Variants in TPGS2 observed in about 807,000 individuals in gnomAD.
TPGS2 encodes the protein tubulin polyglutamylase complex subunit 2.
In TPGS2, 26 loss-of-function variants were observed where a neutral mutation model predicts 31.1. The observed-to-expected ratio is 0.84, with a 90% CI of 0.61 to 1.16. TPGS2 has a LOEUF of 1.16. Among genes scored for constraint, TPGS2 ranks in the 50% most tolerant of loss-of-function variants. The pLI, the probability that TPGS2 is intolerant of heterozygous loss-of-function variation, is 0.00. For missense variants in TPGS2, 351 were observed against 363.8 expected (o/e 0.96, Z 0.29); for synonymous variants, 130 against 136.6 (o/e 0.95, Z 0.34).
At position 36,796,680 on chromosome 18, in the gene TPGS2, C is replaced by T; in HGVS notation, c.*125G>A. 1.4e-6 allele frequency: 2 copies of T among 1,455,136 alleles called. No homozygotes were observed. Among genetic ancestry groups the T allele is most frequent in the Non-Finnish European group, 1.8e-6 (2 of 1,109,622 alleles). The allele number at this position is 1,455,136 out of a possible 1,614,324, so 90.1% of individuals were successfully genotyped here. ...AATGTCGGTGGGACTAAAAGCCTTA[C>T]AATTTTGGTCATTCAACTAGAAAGA... On this transcript the variant is annotated 3_prime_UTR_variant, in exon 7 of 7. Transcript: ENST00000334295.
At chr18:36,793,499 C>G (rs2044385765), downstream of TPGS2, among the ~76,000 whole-genome samples, 1 of 152,166 alleles carries the variant, frequency 6.6e-6, no homozygotes, top group South Asian at 2.1e-4. Flanking sequence ...TGACCTATGT[C>G]ATTCATGAAG....
intron 6 of TPGS2, among the ~76,000 whole-genome samples, chr18:36,787,526 T>C (rs1284859138): frequency 6.6e-6 from 1 of 152,200 alleles, no homozygotes. Flanking sequence ...GTTTTTTAAA[T>C]CGCAATTTTC....
At chr18:36,787,154 G>A in intron 6 of TPGS2, 1 of 1,230,462 alleles carries the variant, frequency 8.1e-7, no homozygotes, top group Non-Finnish European at 1.0e-6. Context: ...TGCATAGCAT[G>A]TTACAGGTAG....
chr18:36,818,722 A>T (rs2045768433), intron 2 of TPGS2, 172 bp downstream of exon 2: 1 of 552,210 alleles, frequency 1.8e-6, no homozygotes, highest in African/African-American at 1.9e-5. Context: ...TAAGTGGCAT[A>T]GAATGAAAGG....
At chr18:36,824,729 G>A (rs550160567) in intron 1 of TPGS2, among the ~76,000 whole-genome samples, 1 of 152,250 alleles carries the variant, frequency 6.6e-6, no homozygotes, top group East Asian at 1.9e-4. Flanking sequence ...TGAGTTGTAA[G>A]AGTTCTTTGC....
chr18:36,802,275 C>G (rs2044857038), intron 4 of TPGS2, among the ~76,000 whole-genome samples: 1 of 152,164 alleles, frequency 6.6e-6, no homozygotes, highest in Non-Finnish European at 1.5e-5. Context: ...CTGAGGTCTG[C>G]CCTCAGTTGA....
At chr18:36,791,740 A>G (rs889351652), downstream of TPGS2, among the ~76,000 whole-genome samples, 6 of 152,254 alleles carry the variant, frequency 3.9e-5, no homozygotes, top group African/African-American at 1.4e-4. Flanking sequence ...TAAGCCAAAG[A>G]AGGATATCTG....
chr18:36,825,509 A>T (rs2046097283), intron 1 of TPGS2, among the ~76,000 whole-genome samples: 1 of 151,654 alleles, frequency 6.6e-6, no homozygotes, highest in Admixed American at 6.6e-5. Flanking sequence ...TATTTCATTG[A>T]TCTACATTTC....
In TPGS2 at chr18:36,794,671, T is replaced by C; in HGVS notation, c.*2134A>G. 2.0e-6 allele frequency: 2 copies of C among 985,424 alleles called. No individual in the cohort carries two copies. The highest frequency in any genetic ancestry group is 2.4e-6 in the Non-Finnish European group (2 of 829,934). 61.0% of individuals were successfully genotyped at this position (985,424 alleles called of 1,614,324 possible). A position where few individuals can be genotyped will look rare whatever the true frequency, so the allele number is the denominator to read the frequency against. On this transcript the variant is annotated 3_prime_UTR_variant, in exon 7 of 7. Transcript: ENST00000334295. ...GGCAAGAAAAATACTTCTGGAAGAC[T>C]AAACTCCAGCTATTGTCCTCAACAA... is the stretch of plus-strand genomic sequence containing the variant.
chr18:36,819,354 TA>T (rs2045798976), intron 1 of TPGS2, among the ~76,000 whole-genome samples: 1 of 152,230 alleles, frequency 6.6e-6, no homozygotes, highest in Non-Finnish European at 1.5e-5. Context: ...CATTAACTTT[TA>T]TAAGACATAA....
intron 1 of TPGS2, among the ~76,000 whole-genome samples, chr18:36,823,457 C>CTTT (rs1193182256): frequency 2.8e-4 from 30 of 107,108 alleles, no homozygotes; most frequent in African/African-American, 1.4e-3. Flanking sequence ...TTGTTAACAG[C>CTTT]TTGTTTTTTT....
chr18:36,815,761 C>A (rs1269942680), intron 2 of TPGS2, among the ~76,000 whole-genome samples: 1 of 152,134 alleles, frequency 6.6e-6, no homozygotes, highest in Admixed American at 6.5e-5. Context: ...CTTTACAAGC[C>A]CCGACATGCC....
At chr18:36,810,639 A>G (rs779852180) in intron 2 of TPGS2, among the ~76,000 whole-genome samples, 5 of 152,152 alleles carry the variant, frequency 3.3e-5, no homozygotes, top group Non-Finnish European at 5.9e-5. Context: ...CTAACAGCTG[A>G]TTGCATCAAG....
At chr18:36,801,860 C>T (rs11660227) in intron 4 of TPGS2, among the ~76,000 whole-genome samples, 18,342 of 152,150 alleles carry the variant, frequency 0.12, 1,371 homozygotes, top group Admixed American at 0.17. Flanking sequence ...TTTATAGTTC[C>T]CATGATTGGT....
At chr18:36,812,395 A>G (rs924120156) in intron 2 of TPGS2, among the ~76,000 whole-genome samples, 1 of 152,136 alleles carries the variant, frequency 6.6e-6, no homozygotes, top group African/African-American at 2.4e-5. Context: ...GTTGATTATC[A>G]ATGGCCCATG....
chr18:36,816,042 C>T (rs2045639732), intron 2 of TPGS2, among the ~76,000 whole-genome samples: 1 of 152,106 alleles, frequency 6.6e-6, no homozygotes, highest in Non-Finnish European at 1.5e-5. Context: ...GATATTTTAA[C>T]TAAAGAACTC....
chr18:36,810,733 T>C (rs1330625043), intron 2 of TPGS2, among the ~76,000 whole-genome samples: 1 of 152,186 alleles, frequency 6.6e-6, no homozygotes, highest in Non-Finnish European at 1.5e-5. Context: ...CCTGAGATAA[T>C]CTACAATGGT....
At chr18:36,782,866 G>A, downstream of TPGS2, 1 of 382,144 alleles carries the variant, frequency 2.6e-6, no homozygotes, top group Non-Finnish European at 4.6e-6. Flanking sequence ...TAACATGGGA[G>A]GAACATCGGA....
At chr18:36,814,579 T>C (rs2150651484) in intron 2 of TPGS2, among the ~76,000 whole-genome samples, 1 of 152,302 alleles carries the variant, frequency 6.6e-6, no homozygotes, top group Non-Finnish European at 1.5e-5. Flanking sequence ...ACTTATTTTA[T>C]ACATGATGAA....
Sources: gnomAD v4.1 joint callset for allele counts (sites outside exome capture counted in the v4.1 genomes callset) on GRCh38, gnomAD v4.1.1 for gene constraint, MANE v1.5 for transcripts, NCBI Gene and HGNC (gene_info 2026-07-23, HGNC 2026-07-21) for gene names.